EXOC4: variants seen among roughly 807,000 people sequenced by gnomAD.
The protein encoded by EXOC4 is SEC8-like 1.
A neutral mutation model predicts 107.2 loss-of-function variants in EXOC4; 71 were observed. The ratio of observed to expected loss-of-function variants is 0.66; its 90% CI spans 0.55 to 0.81. EXOC4 has a LOEUF of 0.81. Ranked by LOEUF, EXOC4 falls within the 30% of genes least tolerant of loss-of-function variation. The probability of loss-of-function intolerance (pLI) is 0.00; values close to 1 mark genes in which losing one functional copy is unlikely to be tolerated. For synonymous variants in EXOC4, 456 were observed against 441.2 expected (o/e 1.03, Z -0.42); for missense variants, 1,108 against 1,189.6 (o/e 0.93, Z 1.01).
At chr7:133,600,051 C>T (rs1801771849) in intron 9 of EXOC4, among the ~76,000 whole-genome samples, 1 of 151,842 alleles carries the variant, frequency 6.6e-6, no homozygotes, top group African/African-American at 2.4e-5. Flanking sequence ...CAGGTGGGTG[C>T]TACTGTGCCT....
intron 12 of EXOC4, among the ~76,000 whole-genome samples, chr7:133,898,361 G>A (rs2116536804): frequency 6.6e-6 from 1 of 152,202 alleles, no homozygotes; most frequent in East Asian, 1.9e-4. Flanking sequence ...GGCCATTAGA[G>A]TCTTGGATTT....
At chr7:134,004,026 T>G (rs1794587099) in intron 15 of EXOC4, among the ~76,000 whole-genome samples, 2 of 152,144 alleles carry the variant, frequency 1.3e-5, no homozygotes, top group Admixed American at 1.3e-4. Context: ...GTCAGGACCC[T>G]TTCCTGATAC....
intron 9 of EXOC4, among the ~76,000 whole-genome samples, chr7:133,579,183 G>A (rs989612773): frequency 1.3e-5 from 2 of 151,996 alleles, no homozygotes; most frequent in Non-Finnish European, 2.9e-5. Context: ...TTAGTTTTAG[G>A]TCTCTAGCCA....
At chr7:133,338,898 A>G (rs1487584464) in intron 5 of EXOC4, among the ~76,000 whole-genome samples, 2 of 151,732 alleles carry the variant, frequency 1.3e-5, no homozygotes, top group African/African-American at 2.4e-5. Context: ...GATCACAGGC[A>G]TGCACCACCA....
intron 9 of EXOC4, among the ~76,000 whole-genome samples, chr7:133,586,573 G>C (rs533705816): frequency 6.6e-6 from 1 of 152,238 alleles, no homozygotes; most frequent in African/African-American, 2.4e-5. Flanking sequence ...ATAGTGCTGT[G>C]ATGACCATAC....
chr7:133,549,158 C>CA (rs1800540186), intron 9 of EXOC4, among the ~76,000 whole-genome samples: 1 of 152,076 alleles, frequency 6.6e-6, no homozygotes, highest in African/African-American at 2.4e-5. Context: ...CATGCATCAC[C>CA]AGTTTGGTTT....
intron 7 of EXOC4, among the ~76,000 whole-genome samples, chr7:133,448,263 C>T (rs1421523763): frequency 6.6e-6 from 1 of 152,028 alleles, no homozygotes; most frequent in African/African-American, 2.4e-5. Context: ...ATTGTGACTT[C>T]CTTATGCTTT....
chr7:133,582,341 A>G (rs944732653), intron 9 of EXOC4, among the ~76,000 whole-genome samples: 4 of 152,208 alleles, frequency 2.6e-5, no homozygotes, highest in East Asian at 1.9e-4. Context: ...GTAGTATTCA[A>G]AGGTGGATAT....
chr7:133,389,334 G>A (rs929358729), intron 7 of EXOC4, among the ~76,000 whole-genome samples: 47 of 152,100 alleles, frequency 3.1e-4, no homozygotes, highest in Admixed American at 1.8e-3. Context: ...ACTTTGGAAG[G>A]CCAAGGCCAG....
At chr7:133,834,188 C>T (rs1334812437) in intron 11 of EXOC4, among the ~76,000 whole-genome samples, 1 of 152,136 alleles carries the variant, frequency 6.6e-6, no homozygotes, top group Admixed American at 6.5e-5. Context: ...ATACTCTCCA[C>T]CCCTTTTCCC....
intron 7 of EXOC4, among the ~76,000 whole-genome samples, chr7:133,460,167 G>C (rs1018058094): frequency 1.3e-5 from 2 of 152,178 alleles, no homozygotes; most frequent in South Asian, 2.1e-4. Flanking sequence ...TCAGATATTA[G>C]TTAGATTCTC....
At chr7:133,364,009 T>G (rs1167415128) in intron 6 of EXOC4, among the ~76,000 whole-genome samples, 5 of 152,204 alleles carry the variant, frequency 3.3e-5, no homozygotes, top group Non-Finnish European at 5.9e-5. Flanking sequence ...GTCTGGGTCT[T>G]CTAGCTCCTG....
chr7:133,312,388 TCAGA>T (rs961039709), intron 4 of EXOC4, among the ~76,000 whole-genome samples: 3 of 152,176 alleles, frequency 2.0e-5, no homozygotes, highest in Non-Finnish European at 4.4e-5. Flanking sequence ...ATAGAAAATG[TCAGA>T]CAGATAATGT....
chr7:134,079,944 AGGATACAGAGCCTT>A, the EXOC4 span, among the ~76,000 whole-genome samples: 14 of 152,172 alleles, frequency 9.2e-5, no homozygotes, highest in African/African-American at 3.4e-4. Flanking sequence ...TCCCTCTCCA[AGGATACAGAGCCTT>A]GGACTCTGAT....
intron 3 of EXOC4, among the ~76,000 whole-genome samples, chr7:133,298,459 A>G (rs1794568633): frequency 1.3e-5 from 2 of 152,184 alleles, no homozygotes; most frequent in African/African-American, 4.8e-5. Flanking sequence ...GACGCTTGTT[A>G]AAAGAGAATG....
At chr7:133,903,747 T>G (rs1450119739) in intron 12 of EXOC4, among the ~76,000 whole-genome samples, 1 of 152,152 alleles carries the variant, frequency 6.6e-6, no homozygotes, top group Non-Finnish European at 1.5e-5. Flanking sequence ...TAAATGGAAT[T>G]TAAAACTATG....
intron 10 of EXOC4, among the ~76,000 whole-genome samples, chr7:133,651,363 GAAA>G (rs201419859): frequency 8.3e-6 from 1 of 120,706 alleles, no homozygotes; most frequent in Admixed American, 1.0e-4. Context: ...AACAAAATAA[GAAA>G]AAAAACACAA....
intron 9 of EXOC4, among the ~76,000 whole-genome samples, chr7:133,599,060 A>C (rs1282004873): frequency 1.3e-5 from 2 of 152,212 alleles, no homozygotes; most frequent in African/African-American, 2.4e-5. Flanking sequence ...TAGTATGAAT[A>C]AAATATCTCA....
In EXOC4 at chr7:133,397,764, C is replaced by A. The variant is rs1242704843; in HGVS notation, c.1182+22762C>A. 2.0e-5 allele frequency among the ~76,000 whole-genome samples: 3 copies of A among 152,190 alleles called. No homozygotes were observed. In the East Asian group the frequency reaches 5.8e-4, roughly 29 times the overall value. ...GTTTTCTTCTCTCTCCATTTATTCTCTCCATTAATAACAAAATTAAAAAAT... is the reference window on the plus strand; with the variant it reads ...GTTTTCTTCTCTCTCCATTTATTCTATCCATTAATAACAAAATTAAAAAAT... On this transcript the variant is annotated intron_variant, in intron 7 of 17. Coordinates refer to ENST00000253861, the MANE Select transcript of EXOC4 (RefSeq NM_021807.4).
Sources: gnomAD v4.1 joint callset for allele counts (sites outside exome capture counted in the v4.1 genomes callset) on GRCh38, gnomAD v4.1.1 for gene constraint, MANE v1.5 for transcripts, NCBI Gene and HGNC (gene_info 2026-07-23, HGNC 2026-07-21) for gene names.